B3GALT1: variants seen among roughly 807,000 people sequenced by gnomAD.
The protein encoded by B3GALT1 is UDP-Gal:betaGlcNAc beta 1,3-galactosyltransferase, polypeptide 1.
A neutral mutation model predicts 23.2 loss-of-function variants in B3GALT1; 10 were observed. The observed-to-expected ratio is 0.43, with a 90% confidence interval of 0.27 to 0.73. B3GALT1 has a LOEUF of 0.73. Ranked by LOEUF, B3GALT1 falls within the 30% of genes least tolerant of loss-of-function variation. B3GALT1 has a pLI of 0.21. For synonymous variants in B3GALT1, 156 were observed against 141.5 expected (o/e 1.10, Z -0.73); for missense variants, 299 against 405.4 (o/e 0.74, Z 2.25).
rs187378937 is a variant in B3GALT1 at position 167,541,746 on chromosome 2, A to G, written c.-410+51469A>G. Among the ~76,000 whole-genome samples, 41 of 152,218 alleles carry G rather than the reference A, an allele frequency of 2.7e-4. No homozygotes were observed. The East Asian group carries it at 5.0e-3, about 19-fold the overall frequency. On this transcript the variant is annotated intron_variant, in intron 2 of 4. Transcript: ENST00000392690. ...CATGAATACCTTTCAGCTCACCCCA[A>G]ACTCCCAACAGTGGCCACATAAGGA...
intron 2 of B3GALT1, among the ~76,000 whole-genome samples, chr2:167,494,048 C>T (rs1699745071): frequency 6.6e-6 from 1 of 151,866 alleles, no homozygotes; most frequent in African/African-American, 2.4e-5. Flanking sequence ...TATAGGAAAC[C>T]AAGAGAGTAT....
intron 1 of B3GALT1, among the ~76,000 whole-genome samples, chr2:167,476,353 A>T (rs910628212): frequency 6.6e-6 from 1 of 152,254 alleles, no homozygotes; most frequent in Non-Finnish European, 1.5e-5. Flanking sequence ...GTCAGTAGAC[A>T]TGAATATAAG....
At chr2:167,682,026 C>T (rs1325073329) in intron 3 of B3GALT1, among the ~76,000 whole-genome samples, 1 of 152,076 alleles carries the variant, frequency 6.6e-6, no homozygotes, top group African/African-American at 2.4e-5. Flanking sequence ...AATGTCACAG[C>T]TGTTTTTGCT....
intron 2 of B3GALT1, among the ~76,000 whole-genome samples, chr2:167,538,159 G>C (rs568565165): frequency 6.6e-6 from 1 of 151,950 alleles, no homozygotes; most frequent in Non-Finnish European, 1.5e-5. Flanking sequence ...TTCCCCCAGC[G>C]TATTACTTTG....
intron 2 of B3GALT1, among the ~76,000 whole-genome samples, chr2:167,515,746 A>T (rs566463760): frequency 2.0e-5 from 3 of 152,210 alleles, no homozygotes; most frequent in African/African-American, 7.2e-5. Context: ...TTGTAAAATC[A>T]TGATGTAATG....
chr2:167,386,787 G>C (rs574639250), intron 1 of B3GALT1, among the ~76,000 whole-genome samples: 19 of 152,286 alleles, frequency 1.2e-4, no homozygotes, highest in African/African-American at 4.6e-4. Context: ...TGGAATTAGA[G>C]AAGTCTTTAG....
intron 2 of B3GALT1, among the ~76,000 whole-genome samples, chr2:167,604,382 C>T (rs1684927473): frequency 6.6e-6 from 1 of 152,168 alleles, no homozygotes; most frequent in South Asian, 2.1e-4. Context: ...AAACAAGGGA[C>T]ATTATTGGTT....
At chr2:167,400,151 A>G (rs1375586547) in intron 1 of B3GALT1, among the ~76,000 whole-genome samples, 1 of 80,840 alleles carries the variant, frequency 1.2e-5, no homozygotes, top group Non-Finnish European at 3.1e-5. Context: ...GAGTTATGAA[A>G]TTTTACATCT....
chr2:167,600,787 T>C (rs1165357462), intron 2 of B3GALT1, among the ~76,000 whole-genome samples: 1 of 152,192 alleles, frequency 6.6e-6, no homozygotes, highest in Non-Finnish European at 1.5e-5. Flanking sequence ...ATTTTGTTGG[T>C]TCATTCATTA....
intron 4 of B3GALT1, among the ~76,000 whole-genome samples, chr2:167,819,265 A>G (rs1208429540): frequency 6.6e-6 from 1 of 152,236 alleles, no homozygotes; most frequent in African/African-American, 2.4e-5. Flanking sequence ...TTGATTCTTG[A>G]AACTTCTTTG....
intron 1 of B3GALT1, among the ~76,000 whole-genome samples, chr2:167,399,974 GA>G (rs1429728260): frequency 4.6e-5 from 7 of 151,998 alleles, no homozygotes; most frequent in African/African-American, 1.7e-4. Context: ...ATAACTTTAT[GA>G]AACATAAAAT....
intron 2 of B3GALT1, among the ~76,000 whole-genome samples, chr2:167,581,282 T>C (rs1684479541): frequency 6.6e-6 from 1 of 152,200 alleles, no homozygotes; most frequent in Non-Finnish European, 1.5e-5. Context: ...AATTTCAATA[T>C]AATATATGAA....
At chr2:167,706,020 G>A (rs888399677) in intron 3 of B3GALT1, among the ~76,000 whole-genome samples, 4 of 152,176 alleles carry the variant, frequency 2.6e-5, no homozygotes, top group Middle Eastern at 3.2e-3. Flanking sequence ...AGAGCCTGAA[G>A]CAATCTAGGT....
At chr2:167,593,684 GAAAATCCAAC>G (rs1684722908) in intron 2 of B3GALT1, among the ~76,000 whole-genome samples, 1 of 152,204 alleles carries the variant, frequency 6.6e-6, no homozygotes, top group African/African-American at 2.4e-5. Context: ...CATTTGAAAT[GAAAATCCAAC>G]AGCATGAACT....
At chr2:167,730,481 C>T (rs925494023) in intron 3 of B3GALT1, among the ~76,000 whole-genome samples, 1 of 152,112 alleles carries the variant, frequency 6.6e-6, no homozygotes, top group African/African-American at 2.4e-5. Flanking sequence ...CCATTATCTC[C>T]TGAGAGGTAG....
At chr2:167,670,205 C>G (rs1185086632) in intron 3 of B3GALT1, among the ~76,000 whole-genome samples, 1 of 152,150 alleles carries the variant, frequency 6.6e-6, no homozygotes, top group African/African-American at 2.4e-5. Context: ...AAGAAGGTGT[C>G]TAACCTGGAA....
At chr2:167,537,404 A>G (rs887985310) in intron 2 of B3GALT1, among the ~76,000 whole-genome samples, 12 of 152,202 alleles carry the variant, frequency 7.9e-5, no homozygotes, top group African/African-American at 2.9e-4. Context: ...AAAAAATTAC[A>G]GTATCTATAT....
At chr2:167,327,372 T>C (rs1574034415) in intron 1 of B3GALT1, among the ~76,000 whole-genome samples, 1 of 152,284 alleles carries the variant, frequency 6.6e-6, no homozygotes, top group African/African-American at 2.4e-5. Flanking sequence ...ATGTGAATTC[T>C]TCTGATCCAT....
intron 1 of B3GALT1, among the ~76,000 whole-genome samples, chr2:167,355,202 T>A (rs903957620): frequency 6.6e-6 from 1 of 152,252 alleles, no homozygotes; most frequent in South Asian, 2.1e-4. Context: ...AGGATGATGA[T>A]GCATTTCCAG....
Sources: gnomAD v4.1 joint callset for allele counts (sites outside exome capture counted in the v4.1 genomes callset) on GRCh38, gnomAD v4.1.1 for gene constraint, MANE v1.5 for transcripts, NCBI Gene and HGNC (gene_info 2026-07-23, HGNC 2026-07-21) for gene names.